IFI27L1: variants seen among roughly 807,000 people sequenced by gnomAD.
The protein encoded by IFI27L1 is interferon alpha-inducible protein 27-like protein 1.
IFI27L1 carries 3 observed loss-of-function variants against 9.2 expected under a neutral mutation model. The ratio of observed to expected loss-of-function variants is 0.32; its 90% CI spans 0.15 to 0.84. The LOEUF (loss-of-function observed/expected upper bound fraction) is 0.84, where lower values mean the gene tolerates loss of function less well. Among genes scored for constraint, IFI27L1 ranks in the 40% least tolerant of loss-of-function variants. The probability of loss-of-function intolerance (pLI) is 0.56; values close to 1 mark genes in which losing one functional copy is unlikely to be tolerated. For missense variants in IFI27L1, 133 were observed against 134.2 expected (o/e 0.99, Z 0.05); for synonymous variants, 53 against 50.0 (o/e 1.06, Z -0.26).
At chr14:94,088,217 A>C (rs1011092494) in intron 1 of IFI27L1, 1 of 702,000 alleles carries the variant, frequency 1.4e-6, no homozygotes, top group Non-Finnish European at 2.6e-6. Flanking sequence ...TCTACTGCCA[A>C]GCATTGTAGT....
intron 1 of IFI27L1, among the ~76,000 whole-genome samples, chr14:94,090,834 T>C (rs1419203875): frequency 6.6e-6 from 1 of 152,272 alleles, no homozygotes; most frequent in Non-Finnish European, 1.5e-5. Flanking sequence ...CTTATTGTAC[T>C]TATGCAGATA....
Position 94,091,058 on chromosome 14 carries a change from C to T in IFI27L1, c.-51-5829C>T, listed in dbSNP as rs10135872. On this transcript the variant is annotated intron_variant, in intron 1 of 4. Coordinates refer to ENST00000555523, the MANE Select transcript of IFI27L1 (RefSeq NM_206949.3). Reference sequence around the variant, plus strand: ...CAGACTTCTGTTAGTTTAGTTCATGCGCTTAATTCCTGTTCTGTCTGATGC... The same window carrying T: ...CAGACTTCTGTTAGTTTAGTTCATGTGCTTAATTCCTGTTCTGTCTGATGC... Among the ~76,000 whole-genome samples, 521 of 152,282 alleles carry T rather than the reference C, an allele frequency of 3.4e-3. 4 individuals are homozygous for T. Among genetic ancestry groups the T allele is most frequent in the African/African-American group, 0.011 (464 of 41,562 alleles).
chr14:94,091,392 C>G (rs1886469092), intron 1 of IFI27L1, among the ~76,000 whole-genome samples: 1 of 152,094 alleles, frequency 6.6e-6, no homozygotes, highest in South Asian at 2.1e-4. Flanking sequence ...AGGAGTTTCC[C>G]ATAATTTTAG....
intron 1 of IFI27L1, among the ~76,000 whole-genome samples, chr14:94,082,524 A>AT (rs1886143054): frequency 6.6e-6 from 1 of 152,254 alleles, no homozygotes; most frequent in African/African-American, 2.4e-5. Context: ...AGAGAGGTCA[A>AT]TGTCTGGCCT....
At chr14:94,091,607 C>T (rs2180083) in intron 1 of IFI27L1, among the ~76,000 whole-genome samples, 44,095 of 151,838 alleles carry the variant, frequency 0.29, 6,755 homozygotes, top group East Asian at 0.51. Flanking sequence ...GGAAATTTTG[C>T]CAAATATCAG....
intron 1 of IFI27L1, among the ~76,000 whole-genome samples, chr14:94,093,449 G>A (rs1886554927): frequency 6.6e-6 from 1 of 152,056 alleles, no homozygotes; most frequent in African/African-American, 2.4e-5. Flanking sequence ...GGGATTACAG[G>A]CTTGAGCCAC....
intron 1 of IFI27L1, among the ~76,000 whole-genome samples, chr14:94,092,961 A>G (rs1886532760): frequency 2.0e-5 from 3 of 152,198 alleles, no homozygotes; most frequent in South Asian, 2.1e-4. Flanking sequence ...CCTCCCAAGT[A>G]GCTGGGACTA....
At chr14:94,101,775 C>T (rs564140104) in intron 3 of IFI27L1, 39 bp from the exon 4 acceptor site, 28 of 1,608,500 alleles carry the variant, frequency 1.7e-5, no homozygotes, top group East Asian at 2.2e-5. Flanking sequence ...TGGGGGACTC[C>T]GTCCCATGGG....
At chr14:94,099,538 C>T (rs746932520) in intron 2 of IFI27L1, among the ~76,000 whole-genome samples, 2 of 152,144 alleles carry the variant, frequency 1.3e-5, no homozygotes, top group South Asian at 4.1e-4. Flanking sequence ...CCACCAGAAG[C>T]TAGAAGGAGG....
chr14:94,082,810 A>G (rs762157798), intron 1 of IFI27L1, among the ~76,000 whole-genome samples: 5 of 152,264 alleles, frequency 3.3e-5, no homozygotes, highest in African/African-American at 7.2e-5. Flanking sequence ...GAAAATGTGC[A>G]TAGTCACACG....
chr14:94,088,499 C>CTTTTT (rs3064010), intron 1 of IFI27L1, among the ~76,000 whole-genome samples: 1 of 124,858 alleles, frequency 8.0e-6, no homozygotes, highest in Admixed American at 8.1e-5. Flanking sequence ...CTGGAACAAT[C>CTTTTT]TTTTTTTTTT....
At chr14:94,100,514 T>C in intron 2 of IFI27L1, 1 of 985,202 alleles carries the variant, frequency 1.0e-6, no homozygotes, top group South Asian at 4.7e-5. Context: ...AGGAGACAGG[T>C]GACTTCTGAT....
At chr14:94,084,192 C>T (rs1431335133) in intron 1 of IFI27L1, among the ~76,000 whole-genome samples, 1 of 152,190 alleles carries the variant, frequency 6.6e-6, no homozygotes, top group Admixed American at 6.5e-5. Context: ...TTACAGAGCT[C>T]AGACCTGACT....
chr14:94,097,571 G>T (rs1210021486), intron 2 of IFI27L1: 2 of 699,650 alleles, frequency 2.9e-6, no homozygotes, highest in African/African-American at 3.5e-5. Context: ...GAGGCAGAGA[G>T]ACAAGTTAGG....
At chr14:94,083,018 G>A (rs797003988) in intron 1 of IFI27L1, among the ~76,000 whole-genome samples, 7 of 152,296 alleles carry the variant, frequency 4.6e-5, no homozygotes, top group African/African-American at 1.7e-4. Flanking sequence ...AAAACCTTCT[G>A]GAAAGGGTTC....
chr14:94,095,782 C>T lies in IFI27L1; in HGVS notation c.-51-1105C>T, dbSNP rs867519560. On this transcript the variant is annotated intron_variant, in intron 1 of 4. Coordinates refer to ENST00000555523, the MANE Select transcript of IFI27L1 (RefSeq NM_206949.3). Reference sequence around the variant, plus strand: ...ATTTTCCCCCATGACCTGAGCACCTCCCACCAAGCTCCACCACCAACATTG... The same window carrying T: ...ATTTTCCCCCATGACCTGAGCACCTTCCACCAAGCTCCACCACCAACATTG... Among the ~76,000 whole-genome samples, 13 of 152,286 alleles carry T rather than the reference C, an allele frequency of 8.5e-5. 1 individual carries two copies. The highest frequency in any genetic ancestry group is 3.4e-3 in the Middle Eastern group (1 of 294).
rs1286160239 is a variant in IFI27L1 at position 94,096,915 on chromosome 14, T to C, written c.-23T>C. On this transcript the variant is annotated 5_prime_UTR_variant, in exon 2 of 5. Transcript: ENST00000555523. ...GAAGTCCAAGAATCCGAGTGGAGGC[T>C]CACCGAGGCGAAGGGGCCAACCATG... The C allele has an allele frequency of 3.7e-6, 6 of 1,612,664 alleles. No homozygotes were observed. The African/African-American group carries it at 4.0e-5, about 11-fold the overall frequency.
intron 3 of IFI27L1, among the ~76,000 whole-genome samples, 185 bp from the exon 4 acceptor site, chr14:94,101,629 A>G (rs1191712769): frequency 6.6e-6 from 1 of 152,228 alleles, no homozygotes; most frequent in East Asian, 1.9e-4. Flanking sequence ...TGGGATTCAG[A>G]TTATCCTGGG....
At chr14:94,099,630 CTG>C in intron 2 of IFI27L1, among the ~76,000 whole-genome samples, 1 of 152,110 alleles carries the variant, frequency 6.6e-6, no homozygotes, top group East Asian at 1.9e-4. Flanking sequence ...GCCTCCAGAA[CTG>C]AGAGAATTGA....
Sources: gnomAD v4.1 joint callset for allele counts (sites outside exome capture counted in the v4.1 genomes callset) on GRCh38, gnomAD v4.1.1 for gene constraint, MANE v1.5 for transcripts, NCBI Gene and HGNC (gene_info 2026-07-23, HGNC 2026-07-21) for gene names.